CSMD1: variants seen among roughly 807,000 people sequenced by gnomAD.
The protein encoded by CSMD1 is CUB and sushi domain-containing protein 1.
In CSMD1, 213 loss-of-function variants were observed where a neutral mutation model predicts 417.5. The ratio of observed to expected loss-of-function variants is 0.51; its 90% CI spans 0.46 to 0.57. The LOEUF (loss-of-function observed/expected upper bound fraction) is 0.57, where lower values mean the gene tolerates loss of function less well. Ranked by LOEUF, CSMD1 falls within the 20% of genes least tolerant of loss-of-function variation. CSMD1 has a pLI of 0.00. For synonymous variants in CSMD1, 2,862 were observed against 1,736.8 expected, an observed-to-expected ratio of 1.65 and a Z score of -16.11; for missense variants, 6,923 against 4,529.7, an observed-to-expected ratio of 1.53 and a Z score of -15.17.
chr8:3,557,258 T>G (rs76163629), intron 10 of CSMD1, among the ~76,000 whole-genome samples: 3,460 of 152,294 alleles, frequency 0.023, 112 homozygotes, highest in East Asian at 0.14. Flanking sequence ...ATATGTAGAT[T>G]TGTGGGATTC....
At chr8:3,095,379 G>A (rs1563333845) in intron 47 of CSMD1, among the ~76,000 whole-genome samples, 1 of 152,040 alleles carries the variant, frequency 6.6e-6, no homozygotes, top group Non-Finnish European at 1.5e-5. Context: ...CTTGCGTAAT[G>A]AGTTACTTCT....
chr8:4,207,669 G>A lies in CSMD1; in HGVS notation c.416-175570C>T, dbSNP rs529724005. 8.5e-5 allele frequency among the ~76,000 whole-genome samples: 13 copies of A among 152,168 alleles called. 1 individual carries two copies. The South Asian group carries it at 2.5e-3, about 29-fold the overall frequency. The stretch of plus-strand genomic sequence containing the variant: ...TTTATGTATTCCTACATAAATTAGT[G>A]TGCATTCACATGTACATTTCAAAAG... On this transcript the variant is annotated intron_variant, in intron 3 of 69. Transcript: ENST00000635120.
intron 7 of CSMD1, among the ~76,000 whole-genome samples, chr8:3,706,089 C>T (rs1170510076): frequency 1.3e-5 from 2 of 152,224 alleles, no homozygotes; most frequent in South Asian, 2.1e-4. Flanking sequence ...GTGGCCTGGC[C>T]TGTGCCTACC....
At chr8:4,478,095 AT>A (rs1800898385) in intron 2 of CSMD1, among the ~76,000 whole-genome samples, 1 of 152,156 alleles carries the variant, frequency 6.6e-6, no homozygotes, top group African/African-American at 2.4e-5. Flanking sequence ...TTATGGGGCC[AT>A]AAGACCTACC....
chr8:3,456,860 G>C (rs1816179911), intron 12 of CSMD1, among the ~76,000 whole-genome samples: 1 of 152,048 alleles, frequency 6.6e-6, no homozygotes, highest in Admixed American at 6.5e-5. Flanking sequence ...CCGAGCCCAG[G>C]TCTCTTGGCT....
chr8:4,090,681 A>G (rs1227451617), intron 3 of CSMD1, among the ~76,000 whole-genome samples: 3 of 152,190 alleles, frequency 2.0e-5, no homozygotes, highest in Non-Finnish European at 1.5e-5. Context: ...TCAATTTCCT[A>G]ATTTTATCTC....
At chr8:4,213,162 C>T (rs113699511) in intron 3 of CSMD1, among the ~76,000 whole-genome samples, 14 of 152,208 alleles carry the variant, frequency 9.2e-5, no homozygotes, top group African/African-American at 3.4e-4. Context: ...AGGATATAAA[C>T]CAAATGGGGA....
intron 1 of CSMD1, among the ~76,000 whole-genome samples, chr8:4,739,302 C>T (rs1050283752): frequency 1.3e-5 from 2 of 152,198 alleles, no homozygotes; most frequent in Non-Finnish European, 2.9e-5. Flanking sequence ...ATTAACAGAG[C>T]ATAGCCATAG....
intron 7 of CSMD1, among the ~76,000 whole-genome samples, chr8:3,684,464 T>C (rs990998418): frequency 6.6e-6 from 1 of 150,874 alleles, no homozygotes; most frequent in Non-Finnish European, 1.5e-5. Flanking sequence ...TATTTAGATA[T>C]AGGTTTTGGG....
intron 1 of CSMD1, among the ~76,000 whole-genome samples, chr8:4,868,316 C>A (rs1347447702): frequency 6.6e-6 from 1 of 152,016 alleles, no homozygotes; most frequent in Non-Finnish European, 1.5e-5. Flanking sequence ...TCAGTGAAAC[C>A]TCCATCCCCT....
At chr8:3,048,773 C>G (rs1354779322) in intron 50 of CSMD1, among the ~76,000 whole-genome samples, 2 of 150,362 alleles carry the variant, frequency 1.3e-5, no homozygotes, top group African/African-American at 4.9e-5. Context: ...CTGCAGAAGA[C>G]ACTATTAAGA....
At position 4,057,406 on chromosome 8, in the gene CSMD1, T is replaced by G. The variant is rs1304760167; in HGVS notation, c.416-25307A>C. Reference sequence around the variant, plus strand: ...TTTGTTTTTTTCTTGTAAATTTGTTTGAGTTCATTGTAGATTCTGGATGTT... The same window carrying G: ...TTTGTTTTTTTCTTGTAAATTTGTTGGAGTTCATTGTAGATTCTGGATGTT... On this transcript the variant is annotated intron_variant, in intron 3 of 69. Transcript: ENST00000635120. Among the ~76,000 whole-genome samples the G allele has an allele frequency of 2.6e-5, 4 of 152,222 alleles. 1 individual carries two copies. Among genetic ancestry groups the G allele is most frequent in the African/African-American group, 7.2e-5 (3 of 41,446 alleles).
chr8:4,139,212 G>T (rs551838422), intron 3 of CSMD1, among the ~76,000 whole-genome samples: 1 of 152,196 alleles, frequency 6.6e-6, no homozygotes, highest in South Asian at 2.1e-4. Context: ...TGGAAAATAA[G>T]AGTGTCCTAG....
intron 5 of CSMD1, among the ~76,000 whole-genome samples, chr8:3,970,145 C>T (rs73658512): frequency 0.044 from 6,718 of 152,242 alleles, 194 homozygotes; most frequent in African/African-American, 0.087. Context: ...CTAAAATAAT[C>T]ATTTTATGTG....
Position 3,805,934 on chromosome 8 carries a change from C to T in CSMD1, c.819-51892G>A, listed in dbSNP as rs562410776. 3.3e-5 allele frequency among the ~76,000 whole-genome samples: 5 copies of T among 152,298 alleles called. 1 individual carries two copies. In the South Asian group the frequency reaches 1.0e-3, roughly 32 times the overall value. ...ACATGCTCACCAGAAAGCACTGACA[C>T]ACCTGCTCTTGAAAGGCTCCTTCTT... On this transcript the variant is annotated intron_variant, in intron 5 of 69. Coordinates refer to ENST00000635120, the MANE Select transcript of CSMD1 (RefSeq NM_033225.6).
intron 12 of CSMD1, among the ~76,000 whole-genome samples, chr8:3,463,445 C>T (rs1376421895): frequency 1.3e-5 from 2 of 152,232 alleles, no homozygotes; most frequent in African/African-American, 2.4e-5. Context: ...AGCATTCCCA[C>T]AACATGTAAA....
At chr8:3,877,731 G>C (rs1406894829) in intron 5 of CSMD1, among the ~76,000 whole-genome samples, 2 of 152,120 alleles carry the variant, frequency 1.3e-5, no homozygotes, top group Non-Finnish European at 2.9e-5. Flanking sequence ...AAAATAGCAA[G>C]TTTGACCGTT....
chr8:4,668,501 G>A (rs929137250), intron 1 of CSMD1, among the ~76,000 whole-genome samples: 1 of 150,214 alleles, frequency 6.7e-6, no homozygotes, highest in Admixed American at 6.7e-5. Context: ...CCAGGCTGGA[G>A]TGCAGTGGCA....
At chr8:4,143,942 G>C (rs1411849394) in intron 3 of CSMD1, among the ~76,000 whole-genome samples, 1 of 151,292 alleles carries the variant, frequency 6.6e-6, no homozygotes, top group African/African-American at 2.5e-5. Flanking sequence ...CAGATGAAGG[G>C]ATGGCCAGTG....
Sources: allele counts gnomAD v4.1 joint callset (sites outside exome capture counted in the v4.1 genomes callset), GRCh38; gene constraint gnomAD v4.1.1; transcripts MANE v1.5; gene names NCBI Gene and HGNC (gene_info 2026-07-23, HGNC 2026-07-21).